CNOT3: variants seen among roughly 807,000 people sequenced by gnomAD.
CNOT3 encodes the protein CCR4-NOT transcription complex subunit 3, also known as CCR4-associated factor 3.
In CNOT3, 2 loss-of-function variants were observed where a neutral mutation model predicts 89.4. The observed-to-expected ratio is 0.02, with a 90% confidence interval of 0.01 to 0.07. The LOEUF (loss-of-function observed/expected upper bound fraction) is 0.07, where lower values mean the gene tolerates loss of function less well. Among genes scored for constraint, CNOT3 ranks in the 10% least tolerant of loss-of-function variants. The pLI is 1.00. For synonymous variants in CNOT3, 486 were observed against 402.0 expected, an observed-to-expected ratio of 1.21 and a Z score of -2.50; for missense variants, 664 against 1,010.2, an observed-to-expected ratio of 0.66 and a Z score of 4.65.
At position 54,155,593 on chromosome 19, in the gene CNOT3, G is replaced by A. The variant is rs1376647304; in HGVS notation, c.*186G>A. 1.4e-5 allele frequency: 15 copies of A among 1,082,624 alleles called. No individual in the cohort carries two copies. Among genetic ancestry groups the A allele is most frequent in the South Asian group, 1.6e-5 (1 of 62,568 alleles). 67.1% of individuals were successfully genotyped at this position (1,082,624 alleles called of 1,614,324 possible). ...CCCTGGGGGCCCGGGGGCGAGGGCT[G>A]CCCCCTCCTCCCCTCCCCAGTGAGG... On this transcript the variant is annotated 3_prime_UTR_variant, in exon 18 of 18. Coordinates refer to ENST00000221232, the MANE Select transcript of CNOT3 (RefSeq NM_014516.4).
rs759407723 is a variant in CNOT3, at chr19:54,148,260, C to G, written c.1007C>G (p.Thr336Ser). The change falls in exon 11 of 18, where the codon ACC (threonine) becomes AGC (serine). Residue 336 changes from threonine (T) to serine (S), a missense_variant. Thr to Ser is a moderately conservative substitution (Grantham distance 58). This residue lies in a region of CNOT3 where 545 missense variants were observed against 566.2 expected (regional missense o/e 0.96). Coordinates refer to ENST00000221232, the MANE Select transcript of CNOT3 (RefSeq NM_014516.4). This position sits in a 1 kb window ranked among gnomAD's most constrained non-coding sequence, Gnocchi z 6.3. Reference protein sequence around the residue: ...GPPPAASALSTTPGNNGVPAP... With the variant: ...GPPPAASALSSTPGNNGVPAP... ...CCGCCTGCTGCCTCTGCCTTGAGCACCACTCCTGGCAACAATGGGGTCCCC... is the reference window on the plus strand; with the variant it reads ...CCGCCTGCTGCCTCTGCCTTGAGCAGCACTCCTGGCAACAATGGGGTCCCC... 5.0e-6 allele frequency: 8 copies of G among 1,606,302 alleles called. No homozygotes were observed. The highest frequency in any genetic ancestry group is 5.1e-6 in the Non-Finnish European group (6 of 1,175,680).
In CNOT3 at chr19:54,148,727, C is replaced by T. The variant is rs1320193003; in HGVS notation, c.1390C>T (p.Pro464Ser). 6.2e-7 allele frequency: 1 copy of T among 1,611,766 alleles called. No individual in the cohort carries two copies. Among genetic ancestry groups the T allele is most frequent in the African/African-American group, 1.3e-5 (1 of 74,886 alleles). ...ALGPPSGPHN[P>S]PPSTSKEPSA... is the part of the protein sequence containing the mutation. ...GGGCCCCCCTTCCGGCCCCCACAACCCACCTCCCAGCACCTCGTGAGTGTC... is the reference window on the plus strand; with the variant it reads ...GGGCCCCCCTTCCGGCCCCCACAACTCACCTCCCAGCACCTCGTGAGTGTC... Residue 464 changes from proline to serine, a missense_variant, in exon 12 of 18, where the codon CCA becomes TCA. By Grantham distance (74) the Pro-to-Ser change is moderately conservative (BLOSUM62 -1). This residue lies in a region of CNOT3 where 545 missense variants were observed against 566.2 expected (regional missense o/e 0.96). Coordinates refer to ENST00000221232, the MANE Select transcript of CNOT3 (RefSeq NM_014516.4). The surrounding 1 kb of genome is among the most constrained non-coding windows in gnomAD (Gnocchi z 6.3).
chr19:54,143,566 T>C, intron 4 of CNOT3, 50 bp downstream of exon 4: 2 of 1,606,802 alleles, frequency 1.2e-6, no homozygotes, highest in Non-Finnish European at 1.7e-6. Context: ...TAGAGGGAAC[T>C]GGGAGAGTGG....
At chr19:54,151,611 A>T (rs1185434360) in intron 13 of CNOT3, among the ~76,000 whole-genome samples, 1 of 152,154 alleles carries the variant, frequency 6.6e-6, no homozygotes, top group African/African-American at 2.4e-5. Flanking sequence ...ACGTGGCTGG[A>T]GGAGATGGGA....
Position 54,152,307 on chromosome 19 carries a change from C to G in CNOT3, c.1687C>G (p.Leu563Val). The G allele has an allele frequency of 6.2e-7, 1 of 1,614,186 alleles. No individual in the cohort carries two copies. The highest frequency in any genetic ancestry group is 8.5e-7 in the Non-Finnish European group (1 of 1,180,010). The part of the protein sequence containing the change: ...SSGIEDPVPT[L>V]HLTERDIILS... ...TGGCATTGAGGACCCTGTGCCAACG[C>G]TGCACCTGACCGAGCGAGGTGAGGG... Residue 563 changes from leucine to valine, a missense_variant, in exon 14 of 18, where the codon CTG becomes GTG. Physicochemically the swap from Leu to Val is conservative, Grantham distance 32 (BLOSUM62 1). This residue lies in a region of CNOT3 where 545 missense variants were observed against 566.2 expected (regional missense o/e 0.96). Coordinates refer to ENST00000221232, the MANE Select transcript of CNOT3 (RefSeq NM_014516.4).
At position 54,145,860 on chromosome 19, in the gene CNOT3, A is replaced by C; in HGVS notation, c.703+43A>C. On this transcript the variant is annotated intron_variant, in intron 8 of 17. Transcript: ENST00000221232. The surrounding 1 kb of genome is among the most constrained non-coding windows in gnomAD (Gnocchi z 5.9). The stretch of plus-strand genomic sequence containing the variant: ...ATCGTGGCACAGGAAGTGAGGGCCC[A>C]GAATGGGCTGTGTGAGCCAGCTAAG... 1.2e-6 allele frequency: 2 copies of C among 1,610,820 alleles called. No individual in the cohort carries two copies. The highest frequency in any genetic ancestry group is 2.2e-5 in the South Asian group (2 of 90,896).
intron 13 of CNOT3, 133 bp downstream of exon 13, chr19:54,149,891 T>A: frequency 1.1e-6 from 1 of 935,076 alleles, no homozygotes; most frequent in Non-Finnish European, 1.5e-6. Context: ...CTTCTCACAC[T>A]TGCTCTTTCT....
chr19:54,154,104 CCA>C, intron 17 of CNOT3: 1 of 675,192 alleles, frequency 1.5e-6, no homozygotes, highest in Non-Finnish European at 2.8e-6. Context: ...GCCACCCAGC[CCA>C]GTGCCTCCCC....
chr19:54,143,537 G>C (rs1393995245), intron 4 of CNOT3, 21 bp downstream of exon 4: 1 of 1,613,240 alleles, frequency 6.2e-7, no homozygotes, highest in Non-Finnish European at 8.5e-7. Flanking sequence ...TGGGGGCCTG[G>C]ACGCCTTTGT....
Position 54,142,942 on chromosome 19 carries a change from G to A in CNOT3, c.-37G>A, listed in dbSNP as rs757702818. The A allele has an allele frequency of 1.2e-5, 19 of 1,610,434 alleles. No individual in the cohort carries two copies. In the African/African-American group the frequency reaches 1.9e-4, roughly 16 times the overall value. On this transcript the variant is annotated 5_prime_UTR_variant, in exon 2 of 18. Transcript: ENST00000221232. ...CTCTCCTAGCAGCGTCCGTCTCCAAGAGAGTATGAAGAGAGTGCGTCTGTA... is the reference window on the plus strand; with the variant it reads ...CTCTCCTAGCAGCGTCCGTCTCCAAAAGAGTATGAAGAGAGTGCGTCTGTA...
rs1391566931 is a variant in CNOT3 at position 54,155,597 on chromosome 19, C to A, written c.*190C>A. On this transcript the variant is annotated 3_prime_UTR_variant, in exon 18 of 18. Transcript: ENST00000221232. ...GGGGGCCCGGGGGCGAGGGCTGCCCCCTCCTCCCCTCCCCAGTGAGGGACA... is the reference window on the plus strand; with the variant it reads ...GGGGGCCCGGGGGCGAGGGCTGCCCACTCCTCCCCTCCCCAGTGAGGGACA... The A allele has an allele frequency of 3.6e-6, 4 of 1,110,484 alleles. No individual in the cohort carries two copies. The African/African-American group carries it at 4.7e-5, about 13-fold the overall frequency. 68.8% of individuals were successfully genotyped at this position (1,110,484 alleles called of 1,614,324 possible).
chr19:54,153,640 G>A, intron 16 of CNOT3, 75 bp from the exon 17 acceptor site: 1 of 1,129,722 alleles, frequency 8.9e-7, no homozygotes, highest in Non-Finnish European at 1.4e-6. Flanking sequence ...CAGCCCTGAT[G>A]TCCTGCCCCA....
chr19:54,153,029 GC>G (rs552504817), intron 16 of CNOT3, 30 bp downstream of exon 16: 27 of 1,588,232 alleles, frequency 1.7e-5, no homozygotes, highest in African/African-American at 2.7e-5. Flanking sequence ...GCAGCCTCGG[GC>G]CCCCCGGCTT....
rs1327157791 is a variant in CNOT3 at position 54,144,832 on chromosome 19, T to C, written c.483+500T>C. On this transcript the variant is annotated intron_variant, in intron 7 of 17. Coordinates refer to ENST00000221232, the MANE Select transcript of CNOT3 (RefSeq NM_014516.4). The surrounding 1 kb of genome is among the most constrained non-coding windows in gnomAD (Gnocchi z 4.8). ...TTCTAAAATCCGGGATTGTGGGGTA[T>C]GAGTTCAAAGGGATACAAACTGTAC... 1.3e-5 allele frequency among the ~76,000 whole-genome samples: 2 copies of C among 151,986 alleles called. No individual in the cohort carries two copies. Among genetic ancestry groups the C allele is most frequent in the Non-Finnish European group, 2.9e-5 (2 of 68,008 alleles).
chr19:54,148,712 T>A lies in CNOT3; in HGVS notation c.1375T>A (p.Ser459Thr). Residue 459 changes from serine (S) to threonine (T), a missense_variant, in exon 12 of 18, where the codon TCC becomes ACC. Physicochemically the swap from Ser to Thr is moderately conservative, Grantham distance 58. This residue lies in a region of CNOT3 where 545 missense variants were observed against 566.2 expected (regional missense o/e 0.96). Coordinates refer to ENST00000221232, the MANE Select transcript of CNOT3 (RefSeq NM_014516.4). This position sits in a 1 kb window ranked among gnomAD's most constrained non-coding sequence, Gnocchi z 6.3. ...CAGCAGCCAGGCCTTGGGCCCCCCT[T>A]CCGGCCCCCACAACCCACCTCCCAG... The part of the protein sequence containing the change: ...NASSQALGPP[S>T]GPHNPPPSTS... 6.2e-7 allele frequency: 1 copy of A among 1,611,814 alleles called. No individual in the cohort carries two copies. The highest frequency in any genetic ancestry group is 8.5e-7 in the Non-Finnish European group (1 of 1,179,352).
At chr19:54,142,908 C>T in intron 1 of CNOT3, 21 bp from the exon 2 acceptor site, 1 of 1,500,738 alleles carries the variant, frequency 6.7e-7, no homozygotes, top group Non-Finnish European at 9.3e-7. Flanking sequence ...GTGTTAATTC[C>T]TCTCCAATCT....
At chr19:54,153,104 C>T (rs758880263) in intron 16 of CNOT3, 105 bp downstream of exon 16, 3 of 1,027,094 alleles carry the variant, frequency 2.9e-6, no homozygotes, top group South Asian at 1.3e-5. Flanking sequence ...ACTGCGGCCA[C>T]TGGGACCGCA....
chr19:54,152,848 C>G lies in CNOT3; in HGVS notation c.1905-19C>G, dbSNP rs1390126518. ...GGACTAGTAGGCAGCTGGCACTGAC[C>G]TTCCTGTTGCTCTCACAGGCAGTAC... On this transcript the variant is annotated intron_variant, in intron 15 of 17. Transcript: ENST00000221232. 7.8e-7 allele frequency: 1 copy of G among 1,284,820 alleles called. No individual in the cohort carries two copies. Among genetic ancestry groups the G allele is most frequent in the Admixed American group, 2.0e-5 (1 of 50,762 alleles). 79.6% of individuals were successfully genotyped at this position (1,284,820 alleles called of 1,614,324 possible). A position where few individuals can be genotyped will look rare whatever the true frequency, so the allele number is the denominator to read the frequency against.
At chr19:54,153,029 G>C (rs1568687426) in intron 16 of CNOT3, 30 bp downstream of exon 16, 9 of 1,588,416 alleles carry the variant, frequency 5.7e-6, no homozygotes, top group Non-Finnish European at 6.9e-6. Flanking sequence ...GCAGCCTCGG[G>C]CCCCCCGGCT....
Sources: allele counts gnomAD v4.1 joint callset (sites outside exome capture counted in the v4.1 genomes callset), GRCh38; gene constraint gnomAD v4.1.1; regional missense constraint gnomAD v4.1.1; non-coding constraint Gnocchi (gnomAD v3.1); transcripts MANE v1.5; gene names NCBI Gene and HGNC (gene_info 2026-07-23, HGNC 2026-07-21).